The following ZNF385D variants were observed in gnomAD, a reference collection of about 807,000 sequenced individuals.
ZNF385D encodes zinc finger protein 659.
A neutral mutation model predicts 35.8 loss-of-function variants in ZNF385D; 15 were observed. The ratio of observed to expected loss-of-function variants is 0.42; its 90% confidence interval spans 0.28 to 0.64. The LOEUF (loss-of-function observed/expected upper bound fraction) is 0.64. ZNF385D is among the 30% of genes least tolerant of loss of function. ZNF385D has a pLI of 0.23. For missense variants in ZNF385D, 474 were observed against 494.6 expected (o/e 0.96, Z 0.39); for synonymous variants, 212 against 186.8 (o/e 1.13, Z -1.10).
At chr3:22,309,292 T>TTTGC (rs1351809016) in intron 2 of ZNF385D, among the ~76,000 whole-genome samples, 556 of 20,666 alleles carry the variant, frequency 0.027, 4 homozygotes, top group African/African-American at 0.12. Flanking sequence ...CTTGTAATTA[T>TTTGC]TTATCTCTGC....
chr3:21,702,181 G>T (rs1169604709), intron 1 of ZNF385D, among the ~76,000 whole-genome samples: 3 of 152,218 alleles, frequency 2.0e-5, no homozygotes, highest in Non-Finnish European at 4.4e-5. Context: ...TTTTGCCTGG[G>T]CATCCAGGCG....
At chr3:22,269,934 T>C (rs188785051) in intron 2 of ZNF385D, among the ~76,000 whole-genome samples, 5 of 151,876 alleles carry the variant, frequency 3.3e-5, no homozygotes, top group African/African-American at 4.8e-5. Context: ...ATAGCTTTCC[T>C]AAACTTTCTC....
chr3:22,130,220 C>T (rs564273461), intron 3 of ZNF385D, among the ~76,000 whole-genome samples: 5 of 152,104 alleles, frequency 3.3e-5, no homozygotes, highest in African/African-American at 9.7e-5. Context: ...TTTACTCTTC[C>T]GTCTTCTCCC....
intron 2 of ZNF385D, chr3:21,580,106 C>T (rs1025132322): frequency 6.6e-6 from 1 of 152,046 alleles, no homozygotes; most frequent in Non-Finnish European, 1.5e-5. Context: ...GCTAGGATAT[C>T]CTGGTTAATG....
intron 2 of ZNF385D, among the ~76,000 whole-genome samples, chr3:22,300,913 G>A (rs527501125): frequency 2.0e-5 from 3 of 152,138 alleles, no homozygotes; most frequent in East Asian, 1.9e-4. Context: ...ACTACCATAT[G>A]CTCCTCCAAT....
At chr3:21,486,040 C>T (rs574690693) in intron 4 of ZNF385D, among the ~76,000 whole-genome samples, 15 of 139,828 alleles carry the variant, frequency 1.1e-4, no homozygotes, top group Admixed American at 9.8e-4. Context: ...AAACACCTAC[C>T]TAACACAGGA....
chr3:21,864,089 G>A (rs1410243302), intron 3 of ZNF385D, among the ~76,000 whole-genome samples: 2 of 151,838 alleles, frequency 1.3e-5, no homozygotes, highest in Admixed American at 1.3e-4. Flanking sequence ...CTCTACCGAT[G>A]AATATAGTTG....
At chr3:21,780,862 A>C (rs991430559) in intron 3 of ZNF385D, among the ~76,000 whole-genome samples, 1 of 152,082 alleles carries the variant, frequency 6.6e-6, no homozygotes, top group African/African-American at 2.4e-5. Flanking sequence ...TTAGTAAAAC[A>C]GCTTTGGTTG....
chr3:21,897,779 G>A (rs190077017), intron 3 of ZNF385D, among the ~76,000 whole-genome samples: 3 of 152,174 alleles, frequency 2.0e-5, no homozygotes, highest in East Asian at 1.9e-4. Flanking sequence ...GATTATATGC[G>A]CAGAACTTCA....
At chr3:21,936,857 T>C (rs996466450) in intron 3 of ZNF385D, among the ~76,000 whole-genome samples, 1 of 152,156 alleles carries the variant, frequency 6.6e-6, no homozygotes. Flanking sequence ...TGGGCTTTTA[T>C]TAGAAATTAA....
chr3:22,179,496 C>G (rs561051766), intron 2 of ZNF385D, among the ~76,000 whole-genome samples: 53 of 152,292 alleles, frequency 3.5e-4, no homozygotes, highest in African/African-American at 1.3e-3. Context: ...GCTGAGACGA[C>G]GGGGTTTTCT....
At chr3:22,143,320 C>A (rs1477473528) in intron 3 of ZNF385D, among the ~76,000 whole-genome samples, 1 of 151,998 alleles carries the variant, frequency 6.6e-6, no homozygotes, top group Admixed American at 6.6e-5. Flanking sequence ...GCCTGACCTC[C>A]TGATCTGCCC....
chr3:22,361,419 T>C (rs1347501076), intron 2 of ZNF385D, among the ~76,000 whole-genome samples: 1 of 152,094 alleles, frequency 6.6e-6, no homozygotes, highest in Non-Finnish European at 1.5e-5. Context: ...CAATTTTCCT[T>C]AAGGACCACA....
chr3:22,064,475 A>T (rs1437752480), intron 3 of ZNF385D, among the ~76,000 whole-genome samples: 1 of 151,994 alleles, frequency 6.6e-6, no homozygotes, highest in Non-Finnish European at 1.5e-5. Flanking sequence ...GGCCAAAGTG[A>T]TATCTGTATT....
intron 2 of ZNF385D, among the ~76,000 whole-genome samples, chr3:22,187,068 T>C (rs1486879805): frequency 6.6e-6 from 1 of 152,150 alleles, no homozygotes; most frequent in African/African-American, 2.4e-5. Flanking sequence ...CGTAATGACA[T>C]ACCAGATTAT....
rs148016750 is a variant in ZNF385D at position 21,980,337 on chromosome 3, T to C, written c.325+188480A>G. Among the ~76,000 whole-genome samples, 374 of 152,276 alleles carry C rather than the reference T, an allele frequency of 2.5e-3. 1 individual carries two copies. The highest frequency in any genetic ancestry group is 8.6e-3 in the African/African-American group (356 of 41,554). ...GCTAAGTCGCTTTTGAATTCCTGAC[T>C]CATGGAAACTGTGACATAAATTTTG... On this transcript the variant is annotated intron_variant, in intron 3 of 5. Coordinates refer to the ZNF385D transcript ENST00000494108.
intron 2 of ZNF385D, among the ~76,000 whole-genome samples, chr3:22,194,545 G>A (rs900385470): frequency 6.6e-6 from 1 of 150,722 alleles, no homozygotes; most frequent in African/African-American, 2.5e-5. Flanking sequence ...AAAATTCACT[G>A]TCATTTTTGT....
At chr3:21,534,558 C>A (rs1181712512) in intron 3 of ZNF385D, among the ~76,000 whole-genome samples, 2 of 152,064 alleles carry the variant, frequency 1.3e-5, no homozygotes, top group Non-Finnish European at 2.9e-5. Context: ...GCTGCTAACT[C>A]GGATAAGCAC....
At chr3:21,632,138 G>T (rs1239284529) in intron 2 of ZNF385D, among the ~76,000 whole-genome samples, 1 of 151,964 alleles carries the variant, frequency 6.6e-6, no homozygotes, top group Non-Finnish European at 1.5e-5. Flanking sequence ...TTCTTGTAGT[G>T]GGAAAGAAAG....
Sources: allele counts gnomAD v4.1 joint callset (sites outside exome capture counted in the v4.1 genomes callset), GRCh38; gene constraint gnomAD v4.1.1; transcripts MANE v1.5; gene names NCBI Gene and HGNC (gene_info 2026-07-23, HGNC 2026-07-21).